Variants in PIH1D2 observed in about 807,000 individuals in gnomAD.
PIH1D2 encodes PIH1 domain-containing protein 2.
In PIH1D2, 25 loss-of-function variants were observed where a neutral mutation model predicts 31.2. That is an observed-to-expected ratio of 0.80 (90% CI 0.58 to 1.12). The LOEUF is 1.12. Ranked by LOEUF, PIH1D2 falls within the 50% of genes most tolerant of loss-of-function variation. The pLI is 0.00. For synonymous variants in PIH1D2, 116 were observed against 119.9 expected (o/e 0.97, Z 0.21); for missense variants, 310 against 356.6 (o/e 0.87, Z 1.05).
intron 2 of PIH1D2, 37 bp downstream of exon 2, chr11:112,072,961 T>C (rs782058859): frequency 2.5e-5 from 39 of 1,542,794 alleles, no homozygotes; most frequent in Non-Finnish European, 3.2e-5. Context: ...ATCATTTCAT[T>C]CAAGACCTCC....
At chr11:112,069,246 A>AC (rs1204142982) in intron 5 of PIH1D2, among the ~76,000 whole-genome samples, 1 of 150,316 alleles carries the variant, frequency 6.7e-6, no homozygotes, top group African/African-American at 2.4e-5. Flanking sequence ...CAGGCAATCC[A>AC]CCCCCCTTCG....
the PIH1D2 span, among the ~76,000 whole-genome samples, chr11:112,056,485 T>C: frequency 6.6e-6 from 1 of 152,238 alleles, no homozygotes; most frequent in African/African-American, 2.4e-5. Context: ...CGAAATGTTT[T>C]TGAGACTCAT....
chr11:112,057,168 T>C, the PIH1D2 span, among the ~76,000 whole-genome samples: 3 of 152,262 alleles, frequency 2.0e-5, no homozygotes, highest in African/African-American at 7.2e-5. Context: ...GCATGTGTTC[T>C]GACTGGTTGA....
downstream of PIH1D2, among the ~76,000 whole-genome samples, chr11:112,065,759 T>G (rs1864900830): frequency 6.6e-6 from 1 of 152,176 alleles, no homozygotes; most frequent in East Asian, 1.9e-4. Context: ...GGCGGGCAGA[T>G]CACTTGAGGT....
chr11:112,067,256 A>C (rs1266736548), downstream of PIH1D2, among the ~76,000 whole-genome samples: 1 of 152,216 alleles, frequency 6.6e-6, no homozygotes, highest in Non-Finnish European at 1.5e-5. Flanking sequence ...GTTACTTGGA[A>C]ACAATTAGAA....
At chr11:112,071,311 A>G (rs1274970400) in intron 3 of PIH1D2, 28 bp from the exon 4 acceptor site, 13 of 1,585,416 alleles carry the variant, frequency 8.2e-6, no homozygotes, top group Non-Finnish European at 1.1e-5. Flanking sequence ...AGGGTATGAA[A>G]TGAAGAAAAA....
chr11:112,061,083 A>T, downstream of PIH1D2: 3 of 1,613,244 alleles, frequency 1.9e-6, no homozygotes, highest in Non-Finnish European at 2.5e-6. Flanking sequence ...TGGAATTAAG[A>T]ATTTCTCTGC....
chr11:112,055,732 C>T, the PIH1D2 span, among the ~76,000 whole-genome samples: 2 of 150,126 alleles, frequency 1.3e-5, no homozygotes, highest in African/African-American at 4.9e-5. Flanking sequence ...CAGCAGCAAA[C>T]ATTCAAGGAA....
At chr11:112,062,552 T>A, downstream of PIH1D2, 1 of 1,611,864 alleles carries the variant, frequency 6.2e-7, no homozygotes, top group Non-Finnish European at 8.5e-7. Flanking sequence ...CAAGAATTTC[T>A]AAACTCTCCC....
chr11:112,059,656 G>T (rs148066420), downstream of PIH1D2, among the ~76,000 whole-genome samples: 1 of 152,172 alleles, frequency 6.6e-6, no homozygotes. Flanking sequence ...GCCTCCCAAA[G>T]TGTTGGGATT....
chr11:112,065,312 AG>A (rs1465327348), downstream of PIH1D2, among the ~76,000 whole-genome samples: 1 of 152,222 alleles, frequency 6.6e-6, no homozygotes, highest in African/African-American at 2.4e-5. Flanking sequence ...GAAAATAACT[AG>A]AATGTAAATT....
the PIH1D2 span, among the ~76,000 whole-genome samples, chr11:112,053,304 A>G: frequency 2.6e-5 from 4 of 152,108 alleles, no homozygotes; most frequent in Non-Finnish European, 5.9e-5. Flanking sequence ...CCTGGGTGAT[A>G]AGAGCAAAAC....
At chr11:112,061,200 C>A, downstream of PIH1D2, 2 of 1,613,444 alleles carry the variant, frequency 1.2e-6, no homozygotes, top group Middle Eastern at 1.7e-4. Flanking sequence ...GAGGGGAAGT[C>A]GTAAGCTAAT....
At chr11:112,053,441 G>GTT in the PIH1D2 span, among the ~76,000 whole-genome samples, 1 of 150,816 alleles carries the variant, frequency 6.6e-6, no homozygotes, top group African/African-American at 2.4e-5. Flanking sequence ...ACAACTGTTT[G>GTT]TTTTTTTTTG....
At chr11:112,053,927 A>G in the PIH1D2 span, among the ~76,000 whole-genome samples, 24 of 152,152 alleles carry the variant, frequency 1.6e-4, no homozygotes, top group East Asian at 4.6e-3. Flanking sequence ...ACTAGAGAGA[A>G]AAAAAAAGGT....
Position 112,071,197 on chromosome 11 carries a change from GAATT to G in PIH1D2, c.384_387del (p.Leu128PhefsTer5), listed in dbSNP as rs781950974. ...TCCTCAATGCATTTCATGGCCATCT[GAATT>G]AACTGATTTTTTTTCACTTGGTCCT... On this transcript the variant is annotated frameshift_variant, in exon 4 of 6. Coordinates refer to ENST00000280350, the MANE Select transcript of PIH1D2 (RefSeq NM_138789.4). LOFTEE classifies it high-confidence loss of function. The G allele has an allele frequency of 1.2e-6, 2 of 1,613,872 alleles. No homozygotes were observed.
At chr11:112,056,565 C>T in the PIH1D2 span, among the ~76,000 whole-genome samples, 1 of 152,092 alleles carries the variant, frequency 6.6e-6, no homozygotes, top group Non-Finnish European at 1.5e-5. Flanking sequence ...TATCAATATA[C>T]CTCTTTATCA....
intron 5 of PIH1D2, among the ~76,000 whole-genome samples, chr11:112,069,160 G>A (rs944578925): frequency 6.6e-6 from 1 of 151,290 alleles, no homozygotes; most frequent in East Asian, 2.0e-4. Context: ...CACCACGCCC[G>A]GCTGATGTTT....
At position 112,070,588 on chromosome 11, in the gene PIH1D2, T is replaced by A. The variant is rs139191181; in HGVS notation, c.661A>T (p.Ile221Phe). The A allele has an allele frequency of 6.2e-7, 1 of 1,614,148 alleles. No homozygotes were observed. Reference protein sequence around the residue: ...SGKAVCLIEEISSTEIQVEMK... With the variant: ...SGKAVCLIEEFSSTEIQVEMK... Reference sequence around the variant, plus strand: ...TCCACCTGGATTTCAGTACTGGAAATCTCTTCTATCAGACACACTGCTTTG... The same window carrying A: ...TCCACCTGGATTTCAGTACTGGAAAACTCTTCTATCAGACACACTGCTTTG... Residue 221 changes from isoleucine to phenylalanine, a missense_variant, in exon 5 of 6, where the codon ATT becomes TTT. Physicochemically the swap from Ile to Phe is conservative, Grantham distance 21. Coordinates refer to ENST00000280350, the MANE Select transcript of PIH1D2 (RefSeq NM_138789.4).
Sources: allele counts gnomAD v4.1 joint callset (sites outside exome capture counted in the v4.1 genomes callset), GRCh38; gene constraint gnomAD v4.1.1; transcripts MANE v1.5; gene names NCBI Gene and HGNC (gene_info 2026-07-23, HGNC 2026-07-21).